Variants in CASQ2 observed in about 807,000 individuals in gnomAD.
CASQ2 encodes the protein calsequestrin 2.
Under a neutral mutation model 46.5 loss-of-function variants are expected in CASQ2, and 49 were observed. The ratio of observed to expected loss-of-function variants is 1.05; its 90% CI spans 0.84 to 1.34. The LOEUF (loss-of-function observed/expected upper bound fraction) is 1.34. Among genes scored for constraint, CASQ2 ranks in the 40% most tolerant of loss-of-function variants. The pLI, the probability that CASQ2 is intolerant of heterozygous loss-of-function variation, is 0.00. For missense variants in CASQ2, 486 were observed against 481.3 expected, an observed-to-expected ratio of 1.01 and a Z score of -0.09; for synonymous variants, 174 against 168.5, an observed-to-expected ratio of 1.03 and a Z score of -0.25.
chr1:115,762,903 A>T (rs570498843), intron 1 of CASQ2, among the ~76,000 whole-genome samples: 3 of 152,294 alleles, frequency 2.0e-5, no homozygotes, highest in Admixed American at 2.0e-4. Flanking sequence ...AATGCCATGT[A>T]TAGAGGGCTC....
intron 1 of CASQ2, among the ~76,000 whole-genome samples, chr1:115,752,343 T>C (rs1648610881): frequency 6.6e-6 from 1 of 152,244 alleles, no homozygotes; most frequent in Non-Finnish European, 1.5e-5. Flanking sequence ...GTAAGCTCTA[T>C]GTCCACGTCT....
Position 115,713,885 on chromosome 1 carries a change from C to T in CASQ2, c.838+3955G>A, listed in dbSNP as rs116640427. 1.3e-5 allele frequency among the ~76,000 whole-genome samples: 2 copies of T among 152,178 alleles called. 1 individual carries two copies. Among genetic ancestry groups the T allele is most frequent in the South Asian group, 4.1e-4 (2 of 4,828 alleles). ...GCTCGATTTCCCACTATTCCTATAA[C>T]CCTGTGATCCCGAACATGCCACTGC... On this transcript the variant is annotated intron_variant, in intron 8 of 10. Coordinates refer to ENST00000261448, the MANE Select transcript of CASQ2 (RefSeq NM_001232.4).
At chr1:115,755,163 G>A (rs1237750878) in intron 1 of CASQ2, among the ~76,000 whole-genome samples, 1 of 152,202 alleles carries the variant, frequency 6.6e-6, no homozygotes, top group Non-Finnish European at 1.5e-5. Flanking sequence ...GTCCCTGAAG[G>A]CCAGGTTTGT....
chr1:115,737,271 AG>A (rs1647996237), intron 4 of CASQ2, among the ~76,000 whole-genome samples: 1 of 152,182 alleles, frequency 6.6e-6, no homozygotes, highest in Non-Finnish European at 1.5e-5. Context: ...AAATGAAAAG[AG>A]GGTTAAGTTG....
intron 1 of CASQ2, among the ~76,000 whole-genome samples, chr1:115,767,178 G>A (rs12562553): frequency 0.32 from 48,961 of 151,940 alleles, 8,097 homozygotes; most frequent in East Asian, 0.53. Context: ...TCTATGTCTC[G>A]TTCTTTTCCA....
chr1:115,750,057 T>A (rs1648524842), intron 1 of CASQ2, among the ~76,000 whole-genome samples: 1 of 152,250 alleles, frequency 6.6e-6, no homozygotes, highest in Non-Finnish European at 1.5e-5. Flanking sequence ...TTCTTTTGTA[T>A]CTTGCAGTTT....
intron 1 of CASQ2, among the ~76,000 whole-genome samples, chr1:115,745,439 T>C (rs9287156): frequency 0.71 from 108,041 of 151,964 alleles, 42,129 homozygotes; most frequent in Non-Finnish European, 0.88. Flanking sequence ...TCTCAAGGTT[T>C]CCTGAAGCAC....
intron 7 of CASQ2, among the ~76,000 whole-genome samples, chr1:115,723,056 T>A (rs1024644931): frequency 4.6e-5 from 7 of 151,364 alleles, no homozygotes; most frequent in African/African-American, 1.5e-4. Flanking sequence ...TCAAAAAAAA[T>A]AATAATAATA....
At chr1:115,721,428 T>C (rs1013719355) in intron 7 of CASQ2, among the ~76,000 whole-genome samples, 4 of 152,204 alleles carry the variant, frequency 2.6e-5, no homozygotes, top group Admixed American at 1.3e-4. Flanking sequence ...GTGTTTTCTA[T>C]GGCCTGCATC....
chr1:115,714,737 G>A (rs1268278952), intron 8 of CASQ2, among the ~76,000 whole-genome samples: 3 of 152,240 alleles, frequency 2.0e-5, no homozygotes, highest in Admixed American at 1.3e-4. Flanking sequence ...GACTTTCACA[G>A]ACAAGTCTTT....
intron 7 of CASQ2, among the ~76,000 whole-genome samples, chr1:115,725,123 G>A: frequency 6.6e-6 from 1 of 152,090 alleles, no homozygotes; most frequent in East Asian, 1.9e-4. Flanking sequence ...CTGGAGCGCA[G>A]TGCCAGGATC....
rs9428211 is a variant in CASQ2 at position 115,745,061 on chromosome 1, T to C, written c.235-149A>G. The stretch of plus-strand genomic sequence containing the variant: ...AAGTTGAGCAGCAGCAAAGGAAATG[T>C]ATTCTTGTCCCCTCAGGGGAAGGAT... On this transcript the variant is annotated intron_variant, in intron 1 of 10. Coordinates refer to ENST00000261448, the MANE Select transcript of CASQ2 (RefSeq NM_001232.4). The C allele has an allele frequency of 0.5, 346,810 of 694,050 alleles. 92,505 individuals carry two copies. The highest frequency in any genetic ancestry group is 0.57 in the Non-Finnish European group (216,217 of 377,910). 43.0% of individuals were successfully genotyped at this position (694,050 alleles called of 1,614,324 possible). A position where few individuals can be genotyped will look rare whatever the true frequency, so the allele number is the denominator to read the frequency against.
At chr1:115,766,123 A>G (rs766242659) in intron 1 of CASQ2, among the ~76,000 whole-genome samples, 37 of 152,070 alleles carry the variant, frequency 2.4e-4, no homozygotes, top group Admixed American at 5.9e-4. Flanking sequence ...CAGGCCATGT[A>G]CTTCTCGGCC....
intron 9 of CASQ2, among the ~76,000 whole-genome samples, chr1:115,704,074 C>G (rs1476315238): frequency 6.6e-6 from 1 of 152,116 alleles, no homozygotes; most frequent in African/African-American, 2.4e-5. Context: ...TTATAATTAC[C>G]CAGTGCTATG....
intron 3 of CASQ2, 142 bp from the exon 4 acceptor site, chr1:115,738,477 C>A: frequency 1.4e-6 from 1 of 716,074 alleles, no homozygotes; most frequent in East Asian, 2.6e-5. Flanking sequence ...CCACAATCCC[C>A]CAGTGAGCAT....
At chr1:115,743,510 C>T (rs1416646167) in intron 2 of CASQ2, among the ~76,000 whole-genome samples, 2 of 152,256 alleles carry the variant, frequency 1.3e-5, no homozygotes, top group South Asian at 4.1e-4. Context: ...TCCCAAAGTG[C>T]CCAGACATTC....
At chr1:115,746,112 G>C (rs1340528950) in intron 1 of CASQ2, among the ~76,000 whole-genome samples, 1 of 151,088 alleles carries the variant, frequency 6.6e-6, no homozygotes, top group Non-Finnish European at 1.5e-5. Context: ...TTTTCACTCA[G>C]TGTAATTATG....
chr1:115,702,952 C>T lies in CASQ2; in HGVS notation c.983G>A (p.Arg328Lys). The T allele has an allele frequency of 6.2e-7, 1 of 1,613,674 alleles. No homozygotes were observed. The highest frequency in any genetic ancestry group is 8.5e-7 in the Non-Finnish European group (1 of 1,179,842). ...WEKTFKIDLF[R>K]PQIGVVNVTD... is the part of the protein sequence containing the mutation. ...GACATTCACCACCCCAATCTGTGGC[C>T]TGAATAGGTCAATCTTGAAAGTCTT... is the stretch of plus-strand genomic sequence containing the variant. Residue 328 changes from arginine to lysine, a missense_variant, in exon 10 of 11, where the codon AGG (arginine) becomes AAG (lysine). By Grantham distance (26) the Arg-to-Lys change is conservative. Transcript: ENST00000261448.
At chr1:115,714,648 G>A (rs1003745219) in intron 8 of CASQ2, among the ~76,000 whole-genome samples, 7 of 152,232 alleles carry the variant, frequency 4.6e-5, no homozygotes, top group Admixed American at 2.0e-4. Context: ...TCCTAGTCCT[G>A]CAGTCAGGCC....
Sources: gnomAD v4.1 joint callset for allele counts (sites outside exome capture counted in the v4.1 genomes callset) on GRCh38, gnomAD v4.1.1 for gene constraint, MANE v1.5 for transcripts, NCBI Gene and HGNC (gene_info 2026-07-23, HGNC 2026-07-21) for gene names.